Variants in CNTNAP2 observed in about 807,000 individuals in gnomAD.
The protein encoded by CNTNAP2 is contactin-associated protein-like 2.
Under a neutral mutation model 155.2 loss-of-function variants are expected in CNTNAP2, and 98 were observed. The observed-to-expected ratio is 0.63, with a 90% CI of 0.54 to 0.75. The LOEUF is 0.75. Among genes scored for constraint, CNTNAP2 ranks in the 30% least tolerant of loss-of-function variants. The pLI, the probability that CNTNAP2 is intolerant of heterozygous loss-of-function variation, is 0.00. For synonymous variants in CNTNAP2, 651 were observed against 631.2 expected, an observed-to-expected ratio of 1.03 and a Z score of -0.47; for missense variants, 1,727 against 1,688.1, an observed-to-expected ratio of 1.02 and a Z score of -0.40.
At chr7:146,623,935 G>A (rs1227408571) in intron 1 of CNTNAP2, among the ~76,000 whole-genome samples, 1 of 151,900 alleles carries the variant, frequency 6.6e-6, no homozygotes, top group African/African-American at 2.4e-5. Flanking sequence ...TCTTAGTTTT[G>A]TGGATGTTCG....
At chr7:148,372,874 T>G (rs1314967085) in intron 21 of CNTNAP2, among the ~76,000 whole-genome samples, 1 of 152,248 alleles carries the variant, frequency 6.6e-6, no homozygotes, top group East Asian at 1.9e-4. Context: ...TATTTCTTTT[T>G]ATATGCGTAT....
At chr7:148,162,600 G>A (rs529890600) in intron 17 of CNTNAP2, among the ~76,000 whole-genome samples, 7 of 152,332 alleles carry the variant, frequency 4.6e-5, no homozygotes, top group Non-Finnish European at 7.3e-5. Flanking sequence ...TCAAAAAAGT[G>A]TCTTCTCTTT....
rs910618643 is a variant in CNTNAP2 at position 146,231,049 on chromosome 7, A to G, written c.97+114076A>G. On this transcript the variant is annotated intron_variant, in intron 1 of 23. Coordinates refer to ENST00000361727, the MANE Select transcript of CNTNAP2 (RefSeq NM_014141.6). ...AAATAAATAAATAAATAAAAAGTTA[A>G]TATATTTAATATAGCTTGAAGAACC... Among the ~76,000 whole-genome samples the G allele has an allele frequency of 2.0e-5, 3 of 147,788 alleles. No individual in the cohort carries two copies. In the Admixed American group the frequency reaches 2.0e-4, roughly 10 times the overall value.
chr7:148,370,650 C>T (rs1406827308), intron 21 of CNTNAP2, among the ~76,000 whole-genome samples: 1 of 151,570 alleles, frequency 6.6e-6, no homozygotes, highest in African/African-American at 2.4e-5. Context: ...TACCCCTGCC[C>T]TTCCCTGGTG....
At chr7:146,704,655 G>A (rs962006630) in intron 1 of CNTNAP2, among the ~76,000 whole-genome samples, 7 of 152,142 alleles carry the variant, frequency 4.6e-5, no homozygotes, top group Non-Finnish European at 1.0e-4. Flanking sequence ...CTAATGTGAG[G>A]TCAATTGGTT....
In CNTNAP2 at chr7:146,366,842, C is replaced by T. The variant is rs530872451; in HGVS notation, c.97+249869C>T. On this transcript the variant is annotated intron_variant, in intron 1 of 23. Coordinates refer to ENST00000361727, the MANE Select transcript of CNTNAP2 (RefSeq NM_014141.6). ...TCACAGGCATTTTGGAGTCTTCCAG[C>T]TCAGATTTACTTTTGGAAAATGACA... 1.5e-3 allele frequency among the ~76,000 whole-genome samples: 235 copies of T among 152,172 alleles called. 1 individual carries two copies. The highest frequency in any genetic ancestry group is 2.3e-3 in the Non-Finnish European group (153 of 67,978).
intron 15 of CNTNAP2, chr7:148,044,600 T>A (rs997165809): frequency 6.6e-6 from 1 of 152,226 alleles, no homozygotes; most frequent in South Asian, 2.1e-4. Context: ...TTGTGCCATG[T>A]GAGGACACTG....
intron 1 of CNTNAP2, among the ~76,000 whole-genome samples, chr7:146,699,553 A>G (rs1331490922): frequency 6.6e-6 from 1 of 152,140 alleles, no homozygotes; most frequent in African/African-American, 2.4e-5. Flanking sequence ...GTGATACAAG[A>G]AGGCTAGAGG....
intron 9 of CNTNAP2, among the ~76,000 whole-genome samples, chr7:147,373,421 C>G (rs1796382386): frequency 6.6e-6 from 1 of 151,950 alleles, no homozygotes; most frequent in African/African-American, 2.4e-5. Context: ...GGTAGGTGCA[C>G]AAATAACCTA....
chr7:146,868,325 G>A lies in CNTNAP2; in HGVS notation c.402+28421G>A, dbSNP rs568116922. 5.9e-5 allele frequency among the ~76,000 whole-genome samples: 9 copies of A among 152,210 alleles called. No homozygotes were observed. The East Asian group carries it at 7.7e-4, about 13-fold the overall frequency. On this transcript the variant is annotated intron_variant, in intron 3 of 23. Transcript: ENST00000361727. ...CATCTTTGTGAAAGATCAGATGGTC[G>A]TAGATGTGTGGGCTTACTTCTGATA...
intron 18 of CNTNAP2, among the ~76,000 whole-genome samples, chr7:148,181,742 T>TTTTA: frequency 1.3e-4 from 1 of 7,944 alleles, no homozygotes; most frequent in African/African-American, 4.7e-4. Context: ...GTGTGTGCCC[T>TTTTA]TTTTTTTTTT....
intron 11 of CNTNAP2, among the ~76,000 whole-genome samples, chr7:147,550,844 T>C (rs1030144861): frequency 6.6e-6 from 1 of 152,358 alleles, no homozygotes; most frequent in Admixed American, 6.5e-5. Flanking sequence ...TGAAAATATA[T>C]GTACTATATG....
intron 21 of CNTNAP2, among the ~76,000 whole-genome samples, chr7:148,307,544 C>T (rs1196321224): frequency 6.6e-6 from 1 of 152,162 alleles, no homozygotes; most frequent in Admixed American, 6.6e-5. Flanking sequence ...TGTTCTTACA[C>T]CTTCGTATAT....
At chr7:147,084,415 A>G (rs1441760880) in intron 4 of CNTNAP2, among the ~76,000 whole-genome samples, 1 of 126,802 alleles carries the variant, frequency 7.9e-6, no homozygotes, top group Non-Finnish European at 1.6e-5. Flanking sequence ...TAATACATAT[A>G]TGCATAATGC....
intron 15 of CNTNAP2, among the ~76,000 whole-genome samples, chr7:148,015,457 A>G (rs1315186799): frequency 2.6e-5 from 4 of 152,296 alleles, no homozygotes; most frequent in African/African-American, 9.6e-5. Context: ...TGTGTCCCCA[A>G]ATCAGGAAGG....
Position 147,425,238 on chromosome 7 carries a change from C to T in CNTNAP2, c.1670+29458C>T, listed in dbSNP as rs910435457. On this transcript the variant is annotated intron_variant, in intron 10 of 23. Coordinates refer to ENST00000361727, the MANE Select transcript of CNTNAP2 (RefSeq NM_014141.6). ...ACAAAAAAAAAAAATTGTTATTCTC[C>T]TTCTTGTTCCACACAATGACCATTG... is the stretch of plus-strand genomic sequence containing the variant. 4.2e-5 allele frequency among the ~76,000 whole-genome samples: 6 copies of T among 141,908 alleles called. No homozygotes were observed. In the South Asian group the frequency reaches 1.2e-3, roughly 28 times the overall value. 93.1% of individuals were successfully genotyped at this position (141,908 alleles called of 152,430 possible).
In CNTNAP2 at chr7:148,147,679, C is replaced by G. The variant is rs756798140; in HGVS notation, c.2743C>G (p.Arg915Gly). The change falls in exon 17 of 24, where the codon CGC becomes GGC. Residue 915 changes from arginine to glycine, a missense_variant. Physicochemically the swap from Arg to Gly is moderately radical, Grantham distance 125. Coordinates refer to ENST00000361727, the MANE Select transcript of CNTNAP2 (RefSeq NM_014141.6). ...IRKAPTEGHT[R>G]LELYSQLFVG... ...CAAGGCCCCAACAGAAGGCCACACC[C>G]GCCTGGAGCTCTACAGCCAGTTATT... 3.1e-6 allele frequency: 5 copies of G among 1,613,766 alleles called. No individual in the cohort carries two copies.
At chr7:147,374,627 A>G (rs1171712938) in intron 9 of CNTNAP2, among the ~76,000 whole-genome samples, 1 of 152,074 alleles carries the variant, frequency 6.6e-6, no homozygotes, top group African/African-American at 2.4e-5. Flanking sequence ...ATGATTTGTG[A>G]CATAGCATAT....
At chr7:147,933,248 G>C (rs115856717) in intron 14 of CNTNAP2, among the ~76,000 whole-genome samples, 2,944 of 152,090 alleles carry the variant, frequency 0.019, 100 homozygotes, top group African/African-American at 0.067. Flanking sequence ...TATATGTATG[G>C]AAAACTGTAT....
Sources: allele counts gnomAD v4.1 joint callset (sites outside exome capture counted in the v4.1 genomes callset), GRCh38; gene constraint gnomAD v4.1.1; transcripts MANE v1.5; gene names NCBI Gene and HGNC (gene_info 2026-07-23, HGNC 2026-07-21).